The following STOX2 variants were observed in gnomAD, a reference collection of about 807,000 sequenced individuals.
The protein encoded by STOX2 is storkhead box 2, also known as storkhead-box protein 2.
A neutral mutation model predicts 60.9 loss-of-function variants in STOX2; 28 were observed. The ratio of observed to expected loss-of-function variants is 0.46; its 90% CI spans 0.34 to 0.63. STOX2 has a LOEUF of 0.63. Ranked by LOEUF, STOX2 falls within the 30% of genes least tolerant of loss-of-function variation. The pLI is 0.01. For synonymous variants in STOX2, 472 were observed against 463.9 expected, an observed-to-expected ratio of 1.02 and a Z score of -0.22; for missense variants, 1,024 against 1,187.7, an observed-to-expected ratio of 0.86 and a Z score of 2.03.
rs147248844 is a variant in STOX2, at chr4:183,981,213, G to A, written c.167-20112G>A. Among the ~76,000 whole-genome samples, 697 of 152,198 alleles carry A rather than the reference G, an allele frequency of 4.6e-3. 3 individuals are homozygous for A. Among genetic ancestry groups the A allele is most frequent in the Middle Eastern group, 0.027 (8 of 294 alleles). On this transcript the variant is annotated intron_variant, in intron 1 of 3. Transcript: ENST00000308497. ...AAAGGGTCAGTTCACTTGTAAATTT[G>A]GGAAAGTAATATTGAATGGTGTTCA...
Position 184,011,696 on chromosome 4 carries a change from A to G in STOX2, c.2585+273A>G. The G allele has an allele frequency of 3.1e-6, 4 of 1,294,530 alleles. 1 individual carries two copies. The South Asian group carries it at 4.4e-5, about 14-fold the overall frequency. The allele number at this position is 1,294,530 out of a possible 1,614,324, so 80.2% of individuals were successfully genotyped here. A position where few individuals can be genotyped will look rare whatever the true frequency, so the allele number is the denominator to read the frequency against. ...TGATCTAACTAAAACCAATATTTCC[A>G]GTATTTTTTCTGCTACGTTCATATT... is the stretch of plus-strand genomic sequence containing the variant. On this transcript the variant is annotated intron_variant, in intron 3 of 3. Transcript: ENST00000308497. The surrounding 1 kb of genome is among the most constrained non-coding windows in gnomAD (Gnocchi z 4.4).
At chr4:183,950,049 T>C (rs1162501831) in intron 1 of STOX2, among the ~76,000 whole-genome samples, 1 of 152,254 alleles carries the variant, frequency 6.6e-6, no homozygotes, top group Non-Finnish European at 1.5e-5. Flanking sequence ...TTGTACAGCA[T>C]TTTTATTGAT....
chr4:183,992,780 C>A (rs1733166814), intron 1 of STOX2, among the ~76,000 whole-genome samples: 2 of 152,198 alleles, frequency 1.3e-5, no homozygotes, highest in Non-Finnish European at 2.9e-5. Context: ...GGTAGCAGGG[C>A]CTTGCCTCTT....
chr4:183,875,651 G>C (rs1202943000), intron 1 of STOX2, among the ~76,000 whole-genome samples: 1 of 152,248 alleles, frequency 6.6e-6, no homozygotes, highest in African/African-American at 2.4e-5. Flanking sequence ...GTCAAAGAAG[G>C]ATGGAAGAGG....
chr4:183,973,740 G>T (rs1486788181), intron 1 of STOX2, among the ~76,000 whole-genome samples: 1 of 152,162 alleles, frequency 6.6e-6, no homozygotes, highest in African/African-American at 2.4e-5. Flanking sequence ...TCATGCCTCT[G>T]ATCTCAGCAC....
At position 184,023,468 on chromosome 4, in the gene STOX2, G is replaced by A. The variant is rs1235158139; in HGVS notation, c.*6184G>A. ...GTTCATGTTGTTTATGTAGTGTTGT[G>A]TGAAATATCCATTTTGGATTGTGTT... On this transcript the variant is annotated 3_prime_UTR_variant, in exon 4 of 4. Coordinates refer to ENST00000308497, the MANE Select transcript of STOX2 (RefSeq NM_020225.3). The A allele has an allele frequency of 1.3e-5, 2 of 152,170 alleles. No individual in the cohort carries two copies. The highest frequency in any genetic ancestry group is 6.5e-5 in the Admixed American group (1 of 15,280). The allele number at this position is 152,170 out of a possible 1,614,324, so 9.4% of individuals were successfully genotyped here.
chr4:183,970,631 G>A (rs1743715964), intron 1 of STOX2, among the ~76,000 whole-genome samples: 1 of 152,208 alleles, frequency 6.6e-6, no homozygotes, highest in South Asian at 2.1e-4. Flanking sequence ...CTCTCAGCTA[G>A]AGGCATCTCC....
chr4:183,870,374 A>G (rs1434656578), intron 1 of STOX2, among the ~76,000 whole-genome samples: 2 of 152,244 alleles, frequency 1.3e-5, no homozygotes, highest in Non-Finnish European at 2.9e-5. Context: ...TAGGTCGTCA[A>G]ATACAGTTTA....
chr4:183,956,163 T>C (rs1359552583), intron 1 of STOX2, among the ~76,000 whole-genome samples: 2 of 152,208 alleles, frequency 1.3e-5, no homozygotes, highest in East Asian at 3.8e-4. Flanking sequence ...TAGAAAGTTT[T>C]GCAAACAATA....
intron 1 of STOX2, among the ~76,000 whole-genome samples, chr4:183,916,726 A>T (rs988751647): frequency 1.3e-5 from 2 of 152,246 alleles, no homozygotes; most frequent in African/African-American, 4.8e-5. Context: ...GTCACTTCAA[A>T]GTATTGATAT....
chr4:183,993,606 A>G lies in STOX2; in HGVS notation c.167-7719A>G, dbSNP rs180848126. The stretch of plus-strand genomic sequence containing the variant: ...GTGTTGAAGTAAAGCATTAGGAAAC[A>G]TTTTTAAAGTTGTTATAGAATCTCT... On this transcript the variant is annotated intron_variant, in intron 1 of 3. Coordinates refer to ENST00000308497, the MANE Select transcript of STOX2 (RefSeq NM_020225.3). Among the ~76,000 whole-genome samples, 15 of 152,372 alleles carry G rather than the reference A, an allele frequency of 9.8e-5. No homozygotes were observed. The East Asian group carries it at 2.9e-3, about 29-fold the overall frequency.
intron 1 of STOX2, among the ~76,000 whole-genome samples, chr4:183,973,495 C>T (rs1263282074): frequency 6.6e-6 from 1 of 152,024 alleles, no homozygotes; most frequent in African/African-American, 2.4e-5. Context: ...TTAAAATAAC[C>T]AGGGAACATA....
At position 183,905,478 on chromosome 4, in the gene STOX2, G is replaced by C. The variant is rs1046949494; in HGVS notation, c.-1313G>C. ...CCGGCGCCCCGGCGTGTGCGGTTGT[G>C]GGGGAGCTCGCCGTGGCCTCCCCTC... On this transcript the variant is annotated 5_prime_UTR_variant, in exon 1 of 4. Transcript: ENST00000308497. 2.0e-5 allele frequency: 3 copies of C among 152,302 alleles called. No individual in the cohort carries two copies. The highest frequency in any genetic ancestry group is 4.4e-5 in the Non-Finnish European group (3 of 68,126). The allele number at this position is 152,302 out of a possible 1,614,324, so 9.4% of individuals were successfully genotyped here.
At chr4:183,847,087 G>A (rs564869910) in intron 1 of STOX2, among the ~76,000 whole-genome samples, 2 of 152,326 alleles carry the variant, frequency 1.3e-5, no homozygotes, top group African/African-American at 4.8e-5. Context: ...GAATCAGAGA[G>A]CCAGTGTGCT....
intron 1 of STOX2, among the ~76,000 whole-genome samples, chr4:183,880,072 G>A (rs974528208): frequency 1.3e-5 from 2 of 152,024 alleles, no homozygotes; most frequent in African/African-American, 2.4e-5. Context: ...TCCGCTTCCC[G>A]GGTTCAAGCG....
chr4:183,839,583 A>T (rs954177845), intron 1 of STOX2, among the ~76,000 whole-genome samples: 4 of 152,194 alleles, frequency 2.6e-5, no homozygotes, highest in Non-Finnish European at 5.9e-5. Context: ...CGAGTCCCTA[A>T]TTTTGCAGTT....
intron 1 of STOX2, among the ~76,000 whole-genome samples, chr4:183,818,679 G>A (rs2111107863): frequency 1.3e-5 from 2 of 152,156 alleles, no homozygotes; most frequent in African/African-American, 4.8e-5. Flanking sequence ...CGGCCGGGCA[G>A]AGGCGCCCCC....
At chr4:183,841,342 G>A (rs1046253657) in intron 1 of STOX2, among the ~76,000 whole-genome samples, 1 of 151,824 alleles carries the variant, frequency 6.6e-6, no homozygotes, top group Non-Finnish European at 1.5e-5. Flanking sequence ...GGCTAGTACT[G>A]TAGGTGCATG....
At chr4:183,822,081 A>G (rs1739316515) in intron 1 of STOX2, among the ~76,000 whole-genome samples, 1 of 152,176 alleles carries the variant, frequency 6.6e-6, no homozygotes, top group African/African-American at 2.4e-5. Flanking sequence ...TCAGCCTTTC[A>G]GGCCCCGGAT....
Sources: allele counts gnomAD v4.1 joint callset (sites outside exome capture counted in the v4.1 genomes callset), GRCh38; gene constraint gnomAD v4.1.1; non-coding constraint Gnocchi (gnomAD v3.1); transcripts MANE v1.5; gene names NCBI Gene and HGNC (gene_info 2026-07-23, HGNC 2026-07-21).